Variants in RFX7 observed in about 807,000 individuals in gnomAD.
RFX7 encodes DNA-binding protein RFX7.
In RFX7, 26 loss-of-function variants were observed where a neutral mutation model predicts 111.8. That is an observed-to-expected ratio of 0.23 (90% CI 0.17 to 0.32). The LOEUF is 0.32. Ranked by LOEUF, RFX7 falls within the 10% of genes least tolerant of loss-of-function variation. RFX7 has a pLI of 1.00. For synonymous variants in RFX7, 624 were observed against 624.4 expected, an observed-to-expected ratio of 1.00 and a Z score of 0.01; for missense variants, 1,573 against 1,772.9, an observed-to-expected ratio of 0.89 and a Z score of 2.02.
intron 2 of RFX7, among the ~76,000 whole-genome samples, chr15:56,216,939 C>T (rs112645082): frequency 6.6e-6 from 1 of 152,128 alleles, no homozygotes; most frequent in African/African-American, 2.4e-5. Flanking sequence ...CAGGCACACA[C>T]CACCATGCGT....
intron 5 of RFX7, among the ~76,000 whole-genome samples, chr15:56,106,654 T>C (rs1384750305): frequency 6.6e-6 from 1 of 152,192 alleles, no homozygotes; most frequent in Non-Finnish European, 1.5e-5. Context: ...GAGGTGGCCT[T>C]ATCCAATTTC....
intron 5 of RFX7, among the ~76,000 whole-genome samples, chr15:56,110,029 C>T (rs1209641026): frequency 2.2e-5 from 3 of 136,598 alleles, no homozygotes; most frequent in Non-Finnish European, 4.8e-5. Flanking sequence ...TCTGCCCGGC[C>T]GCCCCTACTG....
At chr15:56,225,538 G>A (rs530931740) in intron 2 of RFX7, among the ~76,000 whole-genome samples, 43 of 152,154 alleles carry the variant, frequency 2.8e-4, no homozygotes, top group African/African-American at 1.0e-3. Flanking sequence ...CTCCAAATAG[G>A]CTGAAAATGT....
rs556503509 is a variant in RFX7, at chr15:56,237,594, CAATT to C, written c.161+5527_161+5530del. 6.5e-4 allele frequency among the ~76,000 whole-genome samples: 99 copies of C among 152,270 alleles called. 2 individuals are homozygous for C. The highest frequency in any genetic ancestry group is 1.4e-3 in the Admixed American group (21 of 15,292). ...CTACCACTATGAAGCTCATTTTCCC[CAATT>C]AATACCAAAAATTTACAGTTAGACA... is the stretch of plus-strand genomic sequence containing the variant. On this transcript the variant is annotated intron_variant, in intron 2 of 9. Transcript: ENST00000559447.
intron 5 of RFX7, among the ~76,000 whole-genome samples, chr15:56,112,379 C>CAAAAAAAAAAAAAAAAAAAAAAG (rs2041950542): frequency 1.4e-5 from 1 of 71,768 alleles, no homozygotes; most frequent in Non-Finnish European, 2.6e-5. Flanking sequence ...GAGTACAAAT[C>CAAAAAAAAAAAAAAAAAAAAAAG]AAAAAAAAAA....
In RFX7 at chr15:56,123,052, C is replaced by T. The variant is rs544835485; in HGVS notation, c.402-19382G>A. 5.3e-5 allele frequency among the ~76,000 whole-genome samples: 8 copies of T among 152,226 alleles called. No homozygotes were observed. In the South Asian group the frequency reaches 1.0e-3, roughly 20 times the overall value. ...CAAAAGCCCTCTTGGTGGTCTTCCC[C>T]ACTGTGGCTGGGCTGGCACCTAAGC... is the stretch of plus-strand genomic sequence containing the variant. On this transcript the variant is annotated intron_variant, in intron 5 of 9. Coordinates refer to ENST00000559447, the MANE Select transcript of RFX7 (RefSeq NM_022841.7).
intron 3 of RFX7, chr15:56,160,800 C>CT (rs1162709080): frequency 2.0e-5 from 3 of 152,166 alleles, no homozygotes; most frequent in African/African-American, 7.2e-5. Context: ...TATGAGGACT[C>CT]TATTTTCCAT....
intron 2 of RFX7, among the ~76,000 whole-genome samples, chr15:56,229,598 G>A (rs1243639651): frequency 6.6e-6 from 1 of 152,120 alleles, no homozygotes; most frequent in Non-Finnish European, 1.5e-5. Flanking sequence ...TTCAGTTAGA[G>A]AATGAGAATC....
rs543823151 is a variant in RFX7, at chr15:56,156,789, C to T, written c.196-12306G>A. Among the ~76,000 whole-genome samples, 3 of 152,262 alleles carry T rather than the reference C, an allele frequency of 2.0e-5. No homozygotes were observed. In the South Asian group the frequency reaches 6.2e-4, roughly 32 times the overall value. On this transcript the variant is annotated intron_variant, in intron 3 of 9. Coordinates refer to ENST00000559447, the MANE Select transcript of RFX7 (RefSeq NM_022841.7). ...TGAAAAAGTATCTAATTGTTTTATA[C>T]TTCTCTGATTGATGATGAGACTGAA...
At chr15:56,140,085 C>T (rs1462535417) in intron 5 of RFX7, among the ~76,000 whole-genome samples, 1 of 152,160 alleles carries the variant, frequency 6.6e-6, no homozygotes. Context: ...CTGTGCCCTG[C>T]CCCCAGAGGT....
chr15:56,087,773 T>C lies in RFX7; in HGVS notation c.*5572A>G, dbSNP rs1431101560. 2.9e-6 allele frequency: 1 copy of C among 343,578 alleles called. No individual in the cohort carries two copies. Among genetic ancestry groups the C allele is most frequent in the Admixed American group, 3.9e-5 (1 of 25,570 alleles). The allele number at this position is 343,578 out of a possible 1,614,324, so 21.3% of individuals were successfully genotyped here. On this transcript the variant is annotated 3_prime_UTR_variant, in exon 10 of 10. Transcript: ENST00000559447. Reference sequence around the variant, plus strand: ...TTCATTATATTGCAAAATTTCAAAATGGCAGGTGTCTTCTCTAGCACCTTG... The same window carrying C: ...TTCATTATATTGCAAAATTTCAAAACGGCAGGTGTCTTCTCTAGCACCTTG...
chr15:56,221,657 A>G (rs1318703118), intron 2 of RFX7, among the ~76,000 whole-genome samples: 1 of 151,960 alleles, frequency 6.6e-6, no homozygotes, highest in Non-Finnish European at 1.5e-5. Flanking sequence ...GATATTTTTT[A>G]GTATTCCATT....
At chr15:56,104,349 C>A (rs2041800644) in intron 5 of RFX7, among the ~76,000 whole-genome samples, 1 of 152,174 alleles carries the variant, frequency 6.6e-6, no homozygotes, top group Admixed American at 6.5e-5. Flanking sequence ...AGCTGCCAGT[C>A]ATAGGTAAAA....
intron 2 of RFX7, among the ~76,000 whole-genome samples, chr15:56,226,030 G>A (rs2043480066): frequency 6.6e-6 from 1 of 151,968 alleles, no homozygotes; most frequent in African/African-American, 2.4e-5. Flanking sequence ...GTAAGAACAA[G>A]AGAGGAAAAA....
intron 5 of RFX7, among the ~76,000 whole-genome samples, chr15:56,129,654 C>T: frequency 6.6e-6 from 1 of 152,202 alleles, no homozygotes; most frequent in Non-Finnish European, 1.5e-5. Context: ...GAAAACAAAG[C>T]AGTCGCCCAG....
At chr15:56,125,666 G>A (rs1007317610) in intron 5 of RFX7, among the ~76,000 whole-genome samples, 1 of 150,518 alleles carries the variant, frequency 6.6e-6, no homozygotes, top group Non-Finnish European at 1.5e-5. Context: ...ACATAAATGG[G>A]ATTACTTTCT....
chr15:56,125,235 T>C (rs1475986038), intron 5 of RFX7, among the ~76,000 whole-genome samples: 2 of 152,222 alleles, frequency 1.3e-5, no homozygotes, highest in African/African-American at 2.4e-5. Context: ...GCCAGAACCA[T>C]GCTGTTTTGG....
At chr15:56,236,245 A>G (rs774034473) in intron 2 of RFX7, among the ~76,000 whole-genome samples, 4 of 152,240 alleles carry the variant, frequency 2.6e-5, no homozygotes, top group African/African-American at 4.8e-5. Context: ...TACAGTCGCA[A>G]AAAAAGAAAA....
intron 2 of RFX7, among the ~76,000 whole-genome samples, chr15:56,201,495 A>G (rs2043192466): frequency 6.6e-6 from 1 of 152,236 alleles, no homozygotes; most frequent in Non-Finnish European, 1.5e-5. Context: ...AATCTCCTCA[A>G]TGTTCAAATG....
Sources: gnomAD v4.1 joint callset for allele counts (sites outside exome capture counted in the v4.1 genomes callset) on GRCh38, gnomAD v4.1.1 for gene constraint, MANE v1.5 for transcripts, NCBI Gene and HGNC (gene_info 2026-07-23, HGNC 2026-07-21) for gene names.